CABLES1: variants seen among roughly 807,000 people sequenced by gnomAD.
CABLES1 encodes the protein CDK5 and ABL1 enzyme substrate 1.
A neutral mutation model predicts 57.8 loss-of-function variants in CABLES1; 36 were observed. That is an observed-to-expected ratio of 0.62 (90% CI 0.48 to 0.82). The LOEUF (loss-of-function observed/expected upper bound fraction) is 0.82, where lower values mean the gene tolerates loss of function less well. Ranked by LOEUF, CABLES1 falls within the 40% of genes least tolerant of loss-of-function variation. CABLES1 has a pLI of 0.00. For missense variants in CABLES1, 767 were observed against 836.6 expected (o/e 0.92, Z 1.03); for synonymous variants, 374 against 363.0 (o/e 1.03, Z -0.35).
intron 9 of CABLES1, among the ~76,000 whole-genome samples, chr18:23,254,225 G>A (rs1184232787): frequency 2.6e-5 from 4 of 152,228 alleles, no homozygotes; most frequent in Non-Finnish European, 5.9e-5. Context: ...AGAAGCCACT[G>A]TACCTGCAAG....
At chr18:23,241,174 A>G (rs1290114530) in intron 7 of CABLES1, among the ~76,000 whole-genome samples, 2 of 152,056 alleles carry the variant, frequency 1.3e-5, no homozygotes, top group African/African-American at 4.8e-5. Flanking sequence ...CCTTCATACA[A>G]CTTAACATGT....
chr18:23,188,292 A>G (rs963861739), intron 1 of CABLES1, among the ~76,000 whole-genome samples: 30 of 152,214 alleles, frequency 2.0e-4, no homozygotes, highest in African/African-American at 7.2e-4. Flanking sequence ...GTCTATGAGA[A>G]ACTCTCCCAA....
intron 1 of CABLES1, among the ~76,000 whole-genome samples, chr18:23,169,088 G>A (rs978284889): frequency 2.0e-5 from 3 of 152,208 alleles, no homozygotes; most frequent in African/African-American, 4.8e-5. Context: ...GGCCACTAGA[G>A]TGACCTCTGG....
chr18:23,156,049 C>A, intron 1 of CABLES1: 2 of 1,387,180 alleles, frequency 1.4e-6, no homozygotes, highest in Non-Finnish European at 1.0e-6. Flanking sequence ...GGAAATTGAT[C>A]TCTGAGGCTC....
chr18:23,235,810 G>A (rs1479985209), intron 5 of CABLES1, 85 bp from the exon 6 acceptor site: 1 of 1,287,326 alleles, frequency 7.8e-7, no homozygotes, highest in Non-Finnish European at 1.1e-6. Flanking sequence ...ACCTGAATGT[G>A]GGGTGACAAC....
chr18:23,222,445 GT>G, intron 4 of CABLES1, among the ~76,000 whole-genome samples: 1 of 152,112 alleles, frequency 6.6e-6, no homozygotes, highest in Admixed American at 6.6e-5. Context: ...CTGGTTTTAT[GT>G]GTTGGGTGAG....
intron 1 of CABLES1, among the ~76,000 whole-genome samples, chr18:23,139,178 GATCA>G (rs2046842168): frequency 6.6e-6 from 1 of 152,056 alleles, no homozygotes; most frequent in African/African-American, 2.4e-5. Flanking sequence ...GAGGCAGGTG[GATCA>G]CCTGAGGTCA....
intron 9 of CABLES1, among the ~76,000 whole-genome samples, chr18:23,255,131 G>C (rs1200454160): frequency 6.6e-6 from 1 of 152,134 alleles, no homozygotes; most frequent in East Asian, 1.9e-4. Context: ...GGCCTGGAGT[G>C]TGAGGCCCAT....
chr18:23,244,631 C>T (rs927801717), intron 7 of CABLES1, among the ~76,000 whole-genome samples: 3 of 152,180 alleles, frequency 2.0e-5, no homozygotes, highest in East Asian at 1.9e-4. Flanking sequence ...CAGCTGAGCC[C>T]GAATGCCGGT....
At chr18:23,236,660 TC>T (rs2145085029) in intron 6 of CABLES1, among the ~76,000 whole-genome samples, 1 of 152,314 alleles carries the variant, frequency 6.6e-6, no homozygotes, top group Admixed American at 6.5e-5. Context: ...GTCCTAGTGT[TC>T]CGGCCACCTC....
At chr18:23,180,066 C>T (rs2145003009) in intron 1 of CABLES1, among the ~76,000 whole-genome samples, 1 of 152,158 alleles carries the variant, frequency 6.6e-6, no homozygotes, top group South Asian at 2.1e-4. Context: ...CTACAGGCGC[C>T]CGCCACCACG....
At chr18:23,256,606 G>A (rs895357240) in intron 9 of CABLES1, among the ~76,000 whole-genome samples, 7 of 152,014 alleles carry the variant, frequency 4.6e-5, no homozygotes, top group South Asian at 2.1e-4. Context: ...TCAACCTCCC[G>A]AGGAGCTGGG....
intron 7 of CABLES1, among the ~76,000 whole-genome samples, chr18:23,246,641 T>C (rs934190146): frequency 3.3e-5 from 5 of 151,746 alleles, no homozygotes; most frequent in African/African-American, 4.9e-5. Context: ...TCCGCCCACC[T>C]TGGCCTCCCA....
intron 1 of CABLES1, among the ~76,000 whole-genome samples, chr18:23,167,420 G>T (rs2047050602): frequency 6.6e-6 from 1 of 152,108 alleles, no homozygotes; most frequent in Admixed American, 6.5e-5. Context: ...TCTTTTTGCA[G>T]TTTCATTAGC....
At chr18:23,156,283 G>A (rs1381634331) in intron 1 of CABLES1, among the ~76,000 whole-genome samples, 2 of 152,196 alleles carry the variant, frequency 1.3e-5, no homozygotes, top group Non-Finnish European at 2.9e-5. Flanking sequence ...GTGTGCTTCT[G>A]AGCTCCATAG....
At chr18:23,189,792 A>G (rs1386281481) in intron 2 of CABLES1, among the ~76,000 whole-genome samples, 1 of 152,102 alleles carries the variant, frequency 6.6e-6, no homozygotes, top group African/African-American at 2.4e-5. Flanking sequence ...GCTGTAGGAG[A>G]TGGCCTCCCC....
chr18:23,194,299 C>T (rs972101407), intron 2 of CABLES1, 149 bp from the exon 3 acceptor site: 12 of 554,066 alleles, frequency 2.2e-5, no homozygotes, highest in East Asian at 5.9e-5. Context: ...TGCTTCCAGC[C>T]GTGTTGTCTT....
At chr18:23,219,304 A>T in intron 4 of CABLES1, 1 of 454,182 alleles carries the variant, frequency 2.2e-6, no homozygotes, top group Non-Finnish European at 4.4e-6. Context: ...CAAACAAAAT[A>T]GCAAAAACAT....
intron 1 of CABLES1, among the ~76,000 whole-genome samples, chr18:23,164,769 C>T (rs896925934): frequency 6.6e-6 from 1 of 150,994 alleles, no homozygotes; most frequent in East Asian, 2.0e-4. Flanking sequence ...TATCTCTTAA[C>T]TATTCTTTTT....
Sources: gnomAD v4.1 joint callset for allele counts (sites outside exome capture counted in the v4.1 genomes callset) on GRCh38, gnomAD v4.1.1 for gene constraint, MANE v1.5 for transcripts, NCBI Gene and HGNC (gene_info 2026-07-23, HGNC 2026-07-21) for gene names.